The following TNFSF12 variants were observed in gnomAD, a reference collection of about 807,000 sequenced individuals.
The protein encoded by TNFSF12 is TNF superfamily member 12, also known as tumor necrosis factor ligand superfamily member 12.
In TNFSF12, 16 loss-of-function variants were observed where a neutral mutation model predicts 31.2. The ratio of observed to expected loss-of-function variants is 0.51; its 90% CI spans 0.35 to 0.78. The LOEUF is 0.78. Among genes scored for constraint, TNFSF12 ranks in the 30% least tolerant of loss-of-function variants. The probability of loss-of-function intolerance (pLI) is 0.01; values close to 1 mark genes in which losing one functional copy is unlikely to be tolerated. For missense variants in TNFSF12, 324 were observed against 338.8 expected, an observed-to-expected ratio of 0.96 and a Z score of 0.34; for synonymous variants, 150 against 151.4, an observed-to-expected ratio of 0.99 and a Z score of 0.07.
In TNFSF12 at chr17:7,549,448, G is replaced by T; in HGVS notation, c.160-26G>T. On this transcript the variant is annotated intron_variant, in intron 1 of 6. Transcript: ENST00000293825. This position sits in a 1 kb window ranked among gnomAD's most constrained non-coding sequence, Gnocchi z 4.1. ...GTGAGATGTCAGGTGGAGCGGCACA[G>T]GGTGACGCTCCCTCCTTCCCAGCAG... The T allele has an allele frequency of 4.0e-6, 6 of 1,495,836 alleles. No homozygotes were observed. The Admixed American group carries it at 6.4e-5, about 16-fold the overall frequency. 92.7% of individuals were successfully genotyped at this position (1,495,836 alleles called of 1,614,324 possible).
At chr17:7,555,912 G>C (rs1235080998) in intron 5 of TNFSF12, among the ~76,000 whole-genome samples, 1 of 151,328 alleles carries the variant, frequency 6.6e-6, no homozygotes, top group Non-Finnish European at 1.5e-5. Flanking sequence ...TTCAGGGCTG[G>C]AGACTCTGCA....
Position 7,550,715 on chromosome 17 carries a change from CT to C in TNFSF12, c.284-83del. Reference sequence around the variant, plus strand: ...GACAAGAATAAGGATGCCAGGGTTCCTGAGAGGGGAATGGGGCTGGGAGAGT... The same window carrying C: ...GACAAGAATAAGGATGCCAGGGTTCCGAGAGGGGAATGGGGCTGGGAGAGT... On this transcript the variant is annotated intron_variant, in intron 3 of 6. Transcript: ENST00000293825. This position sits in a 1 kb window ranked among gnomAD's most constrained non-coding sequence, Gnocchi z 4.4. 6.4e-7 allele frequency: 1 copy of C among 1,553,788 alleles called. No homozygotes were observed. The highest frequency in any genetic ancestry group is 1.4e-5 in the African/African-American group (1 of 73,590).
At chr17:7,553,545 C>T (rs1305975746) in intron 5 of TNFSF12, 2 of 965,160 alleles carry the variant, frequency 2.1e-6, no homozygotes, top group Non-Finnish European at 2.9e-6. Context: ...ATCCTCACAA[C>T]AGCCCTAAAA....
intron 5 of TNFSF12, among the ~76,000 whole-genome samples, chr17:7,555,972 C>CTTTTTTTTTTTTT (rs1567722150): frequency 7.5e-4 from 11 of 14,574 alleles, no homozygotes; most frequent in Admixed American, 2.6e-3. Flanking sequence ...GCCCAGTGAG[C>CTTTTTTTTTTTTT]GTTTTTTTTG....
chr17:7,550,794 C>G lies in TNFSF12; in HGVS notation c.284-5C>G. The G allele has an allele frequency of 6.2e-7, 1 of 1,609,456 alleles. No individual in the cohort carries two copies. The highest frequency in any genetic ancestry group is 8.5e-7 in the Non-Finnish European group (1 of 1,176,188). Reference sequence around the variant, plus strand: ...TTTGCTCATCTGTCTTTCCTTGATCCTCAGCACCTAAAGGCCGGAAAACAC... The same window carrying G: ...TTTGCTCATCTGTCTTTCCTTGATCGTCAGCACCTAAAGGCCGGAAAACAC... On this transcript the variant is annotated splice_polypyrimidine_tract_variant and splice_region_variant and intron_variant, in intron 3 of 6. Transcript: ENST00000293825. This position sits in a 1 kb window ranked among gnomAD's most constrained non-coding sequence, Gnocchi z 4.4.
Position 7,557,556 on chromosome 17 carries a change from A to C in TNFSF12, c.*206A>C, listed in dbSNP as rs2071089843. 12 of 674,258 alleles carry C rather than the reference A, an allele frequency of 1.8e-5. No homozygotes were observed. Among genetic ancestry groups the C allele is most frequent in the South Asian group, 4.8e-5 (2 of 41,824 alleles). The allele number at this position is 674,258 out of a possible 1,614,324, so 41.8% of individuals were successfully genotyped here. A position where few individuals can be genotyped will look rare whatever the true frequency, so the allele number is the denominator to read the frequency against. On this transcript the variant is annotated 3_prime_UTR_variant, in exon 7 of 7. Transcript: ENST00000293825. The surrounding 1 kb of genome is among the most constrained non-coding windows in gnomAD (Gnocchi z 5.2). ...TTATCTTACAACTCCCCCACCGCCCACTCTCCACCTCACTAGCTCCCCAAT... is the reference window on the plus strand; with the variant it reads ...TTATCTTACAACTCCCCCACCGCCCCCTCTCCACCTCACTAGCTCCCCAAT...
Position 7,553,023 on chromosome 17 carries a change from CTTTTTT to C in TNFSF12, c.373+2079_373+2084del, listed in dbSNP as rs71159509. Among the ~76,000 whole-genome samples the C allele has an allele frequency of 1.2e-4, 8 of 66,054 alleles. No homozygotes were observed. The South Asian group carries it at 2.8e-3, about 23-fold the overall frequency. The allele number at this position is 66,054 out of a possible 152,430, so 43.3% of individuals were successfully genotyped here. A position where few individuals can be genotyped will look rare whatever the true frequency, so the allele number is the denominator to read the frequency against. ...ATAAGGAACTGGAGGCAGGGACAAC[CTTTTTT>C]TTTTTTTTTTTTTTTTTTTTTTTTT... On this transcript the variant is annotated intron_variant, in intron 5 of 6. Coordinates refer to ENST00000293825, the MANE Select transcript of TNFSF12 (RefSeq NM_003809.3).
chr17:7,550,049 C>G lies in TNFSF12; in HGVS notation c.208-71C>G. The stretch of plus-strand genomic sequence containing the variant: ...TGTCTATTGCTGGCTGGTGGCTCTC[C>G]TGACAGGCCCCGTATGTCTCACTTT... On this transcript the variant is annotated intron_variant, in intron 2 of 6. Coordinates refer to ENST00000293825, the MANE Select transcript of TNFSF12 (RefSeq NM_003809.3). This position sits in a 1 kb window ranked among gnomAD's most constrained non-coding sequence, Gnocchi z 4.4. 1 of 1,610,386 alleles carries G rather than the reference C, an allele frequency of 6.2e-7. No homozygotes were observed. Among genetic ancestry groups the G allele is most frequent in the Non-Finnish European group, 8.5e-7 (1 of 1,177,134 alleles).
intron 5 of TNFSF12, among the ~76,000 whole-genome samples, chr17:7,554,484 T>A (rs1349549324): frequency 1.3e-5 from 2 of 150,794 alleles, no homozygotes; most frequent in African/African-American, 2.4e-5. Flanking sequence ...TGGCTAATTT[T>A]TTTTTATTTT....
chr17:7,557,075 C>G lies in TNFSF12; in HGVS notation c.499-24C>G, dbSNP rs745630452. On this transcript the variant is annotated intron_variant, in intron 6 of 6. Coordinates refer to ENST00000293825, the MANE Select transcript of TNFSF12 (RefSeq NM_003809.3). The surrounding 1 kb of genome is among the most constrained non-coding windows in gnomAD (Gnocchi z 5.2). Reference sequence around the variant, plus strand: ...AGGCGAGGGCAGGCAGAGGCCTGGACTCGGCCTGTTGTCCCCACCCCAGGT... The same window carrying G: ...AGGCGAGGGCAGGCAGAGGCCTGGAGTCGGCCTGTTGTCCCCACCCCAGGT... 7 of 1,597,636 alleles carry G rather than the reference C, an allele frequency of 4.4e-6. No individual in the cohort carries two copies. In the South Asian group the frequency reaches 7.8e-5, roughly 18 times the overall value.
Position 7,549,334 on chromosome 17 carries a change from C to G in TNFSF12, c.159+22C>G, listed in dbSNP as rs376461701. 1.3e-5 allele frequency: 18 copies of G among 1,404,876 alleles called. No homozygotes were observed. The East Asian group carries it at 4.6e-4, about 36-fold the overall frequency. The allele number at this position is 1,404,876 out of a possible 1,614,324, so 87.0% of individuals were successfully genotyped here. ...CCAGGTGAGGCCCCGCTGCGCACCC[C>G]TTCTTGGGCACATCAGGAGCTGAGA... On this transcript the variant is annotated intron_variant, in intron 1 of 6. Coordinates refer to ENST00000293825, the MANE Select transcript of TNFSF12 (RefSeq NM_003809.3). The surrounding 1 kb of genome is among the most constrained non-coding windows in gnomAD (Gnocchi z 4.1).
Position 7,557,577 on chromosome 17 carries a change from C to T in TNFSF12, c.*227C>T. ...GCCCACTCTCCACCTCACTAGCTCCCCAATCCCTGACCCTTTGAGGCCCCC... is the reference window on the plus strand; with the variant it reads ...GCCCACTCTCCACCTCACTAGCTCCTCAATCCCTGACCCTTTGAGGCCCCC... On this transcript the variant is annotated 3_prime_UTR_variant, in exon 7 of 7. Coordinates refer to ENST00000293825, the MANE Select transcript of TNFSF12 (RefSeq NM_003809.3). This position sits in a 1 kb window ranked among gnomAD's most constrained non-coding sequence, Gnocchi z 5.2. 1.6e-6 allele frequency: 1 copy of T among 617,748 alleles called. No individual in the cohort carries two copies. Among genetic ancestry groups the T allele is most frequent in the Non-Finnish European group, 2.7e-6 (1 of 374,262 alleles). The allele number at this position is 617,748 out of a possible 1,614,324, so 38.3% of individuals were successfully genotyped here.
Position 7,550,952 on chromosome 17 carries a change from G to A in TNFSF12, c.347G>A (p.Arg116Gln), listed in dbSNP as rs771459468. 6.2e-6 allele frequency: 10 copies of A among 1,614,050 alleles called. No homozygotes were observed. The highest frequency in any genetic ancestry group is 5.9e-6 in the Non-Finnish European group (7 of 1,179,994). The change falls in exon 5 of 7, where the codon CGA becomes CAA. Residue 116 changes from arginine (R) to glutamine (Q), a missense_variant. Physicochemically the swap from Arg to Gln is conservative, Grantham distance 43. Coordinates refer to ENST00000293825, the MANE Select transcript of TNFSF12 (RefSeq NM_003809.3). The surrounding 1 kb of genome is among the most constrained non-coding windows in gnomAD (Gnocchi z 4.4). ...TTCCTGTACTTTACAGTTCATCCACGACCTGGACAGGACGGAGCGCAGGCA... is the reference window on the plus strand; with the variant it reads ...TTCCTGTACTTTACAGTTCATCCACAACCTGGACAGGACGGAGCGCAGGCA... ...AIAAHYEVHP[R>Q]PGQDGAQAGV... is the part of the protein sequence containing the mutation.
Position 7,549,317 on chromosome 17 carries a change from G to T in TNFSF12, c.159+5G>T. ...CGGGCATCGCTGTCCGCCCAGGTGA[G>T]GCCCCGCTGCGCACCCCTTCTTGGG... On this transcript the variant is annotated splice_donor_5th_base_variant and intron_variant, in intron 1 of 6. Coordinates refer to ENST00000293825, the MANE Select transcript of TNFSF12 (RefSeq NM_003809.3). The surrounding 1 kb of genome is among the most constrained non-coding windows in gnomAD (Gnocchi z 4.1). The T allele has an allele frequency of 7.2e-7, 1 of 1,398,320 alleles. No homozygotes were observed. The allele number at this position is 1,398,320 out of a possible 1,614,324, so 86.6% of individuals were successfully genotyped here.
chr17:7,549,760 C>A lies in TNFSF12; in HGVS notation c.207+239C>A. The stretch of plus-strand genomic sequence containing the variant: ...TGAGGTGTTTATTGGCTGGGGGTGA[C>A]GTGGTTGTATAAGATATGTGAGTCT... On this transcript the variant is annotated intron_variant, in intron 2 of 6. Transcript: ENST00000293825. The surrounding 1 kb of genome is among the most constrained non-coding windows in gnomAD (Gnocchi z 4.1). 1 of 654,688 alleles carries A rather than the reference C, an allele frequency of 1.5e-6. No homozygotes were observed. The highest frequency in any genetic ancestry group is 2.5e-6 in the Non-Finnish European group (1 of 399,586). 40.6% of individuals were successfully genotyped at this position (654,688 alleles called of 1,614,324 possible).
chr17:7,556,786 G>T lies in TNFSF12; in HGVS notation c.382G>T (p.Gly128Trp). The change falls in exon 6 of 7, where the codon GGG (glycine) becomes TGG (tryptophan). Residue 128 changes from glycine to tryptophan, a missense_variant. Transcript: ENST00000293825. Reference protein sequence around the residue: ...GQDGAQAGVDGTVSGWEEARI... With the variant: ...GQDGAQAGVDWTVSGWEEARI... ...TGAGCATCCGTGTTCAGGTGTGGACGGGACAGTGAGTGGCTGGGAGGAAGC... is the reference window on the plus strand; with the variant it reads ...TGAGCATCCGTGTTCAGGTGTGGACTGGACAGTGAGTGGCTGGGAGGAAGC... 6.5e-7 allele frequency: 1 copy of T among 1,529,588 alleles called. No homozygotes were observed. The allele number at this position is 1,529,588 out of a possible 1,614,324, so 94.8% of individuals were successfully genotyped here.
rs1437325988 is a variant in TNFSF12, at chr17:7,549,810, T to C, written c.207+289T>C. The stretch of plus-strand genomic sequence containing the variant: ...TGCGTGGAAGAGGGGTGCGGTTGTG[T>C]ACAGGGTGTGTATCCTCTGTGCGTG... On this transcript the variant is annotated intron_variant, in intron 2 of 6. Transcript: ENST00000293825. The surrounding 1 kb of genome is among the most constrained non-coding windows in gnomAD (Gnocchi z 4.1). 1 of 602,640 alleles carries C rather than the reference T, an allele frequency of 1.7e-6. No homozygotes were observed. The highest frequency in any genetic ancestry group is 2.2e-5 in the South Asian group (1 of 46,112). 37.3% of individuals were successfully genotyped at this position (602,640 alleles called of 1,614,324 possible). A position where few individuals can be genotyped will look rare whatever the true frequency, so the allele number is the denominator to read the frequency against.
chr17:7,550,866 G>A lies in TNFSF12; in HGVS notation c.337+14G>A, dbSNP rs751618286. On this transcript the variant is annotated intron_variant, in intron 4 of 6. Transcript: ENST00000293825. This position sits in a 1 kb window ranked among gnomAD's most constrained non-coding sequence, Gnocchi z 4.4. ...CCCATTATGAAGGTGGGTGATGGGT[G>A]AGCCATACCCAGGAGGAGAGGGGCA... 11 of 1,613,532 alleles carry A rather than the reference G, an allele frequency of 6.8e-6. No homozygotes were observed. The highest frequency in any genetic ancestry group is 2.7e-5 in the African/African-American group (2 of 74,928).
intron 5 of TNFSF12, chr17:7,553,684 G>T (rs2071026340): frequency 1.5e-6 from 2 of 1,302,486 alleles, no homozygotes; most frequent in Non-Finnish European, 2.0e-6. Context: ...GACATGGTCT[G>T]CATGAAAGGC....
Sources: allele counts gnomAD v4.1 joint callset (sites outside exome capture counted in the v4.1 genomes callset), GRCh38; gene constraint gnomAD v4.1.1; non-coding constraint Gnocchi (gnomAD v3.1); transcripts MANE v1.5; gene names NCBI Gene and HGNC (gene_info 2026-07-23, HGNC 2026-07-21).